Variants in SFMBT1 observed in about 807,000 individuals in gnomAD.
The protein encoded by SFMBT1 is Scm like with four mbt domains 1.
A neutral mutation model predicts 108.7 loss-of-function variants in SFMBT1; 32 were observed. The observed-to-expected ratio is 0.29, with a 90% CI of 0.22 to 0.40. The LOEUF (loss-of-function observed/expected upper bound fraction) is 0.40. Ranked by LOEUF, SFMBT1 falls within the 10% of genes least tolerant of loss-of-function variation. The pLI, the probability that SFMBT1 is intolerant of heterozygous loss-of-function variation, is 1.00. For missense variants in SFMBT1, 816 were observed against 1,059.6 expected, an observed-to-expected ratio of 0.77 and a Z score of 3.19; for synonymous variants, 348 against 369.5, an observed-to-expected ratio of 0.94 and a Z score of 0.67.
At chr3:52,963,645 G>T (rs967136654) in intron 2 of SFMBT1, among the ~76,000 whole-genome samples, 1 of 151,838 alleles carries the variant, frequency 6.6e-6, no homozygotes, top group Non-Finnish European at 1.5e-5. Context: ...TAGAGACAGG[G>T]TCTCCCTATG....
At chr3:52,941,593 C>CCA (rs745586161) in intron 4 of SFMBT1, among the ~76,000 whole-genome samples, 1 of 64,034 alleles carries the variant, frequency 1.6e-5, no homozygotes, top group African/African-American at 5.8e-5. Flanking sequence ...GACTCTGTTT[C>CCA]AAAAAAAAAA....
At chr3:52,959,593 A>C (rs997960109) in intron 2 of SFMBT1, among the ~76,000 whole-genome samples, 1 of 152,190 alleles carries the variant, frequency 6.6e-6, no homozygotes, top group Admixed American at 6.5e-5. Context: ...AGTGTCCTTC[A>C]TGCTCCATTT....
intron 14 of SFMBT1, among the ~76,000 whole-genome samples, chr3:52,914,120 C>T (rs553114521): frequency 3.9e-4 from 60 of 152,222 alleles, no homozygotes; most frequent in African/African-American, 1.4e-3. Flanking sequence ...TCTCAGAGGG[C>T]TAAAAGTATG....
intron 1 of SFMBT1, chr3:53,045,272 A>G (rs1434883831): frequency 1.4e-5 from 2 of 146,974 alleles, no homozygotes; most frequent in Non-Finnish European, 3.0e-5. Flanking sequence ...GGCCCTCCGA[A>G]GTTCCGACCG....
At chr3:52,989,435 A>AAAG (rs1553641117) in intron 1 of SFMBT1, among the ~76,000 whole-genome samples, 4 of 137,796 alleles carry the variant, frequency 2.9e-5, no homozygotes, top group Non-Finnish European at 4.6e-5. Flanking sequence ...AAAAAAAAAA[A>AAAG]AAAGAAAGAA....
rs535459794 is a variant in SFMBT1, at chr3:52,996,006, G to C, written c.-130-26748C>G. Among the ~76,000 whole-genome samples, 344 of 148,560 alleles carry C rather than the reference G, an allele frequency of 2.3e-3. 10 individuals are homozygous for C. Among genetic ancestry groups the C allele is most frequent in the African/African-American group, 7.4e-3 (305 of 41,142 alleles). On this transcript the variant is annotated intron_variant, in intron 1 of 20. Transcript: ENST00000394752. The stretch of plus-strand genomic sequence containing the variant: ...GAATCACTTGAACCCGGGAGGCGGA[G>C]GTTGCAGTGAGCCAAGATCACACCA...
intron 4 of SFMBT1, among the ~76,000 whole-genome samples, chr3:52,938,475 T>A (rs943742261): frequency 6.6e-6 from 1 of 152,152 alleles, no homozygotes; most frequent in Non-Finnish European, 1.5e-5. Flanking sequence ...CTTTTAGTCC[T>A]CTCTATTTTT....
At chr3:52,921,504 C>A (rs1702518520) in intron 11 of SFMBT1, among the ~76,000 whole-genome samples, 1 of 152,168 alleles carries the variant, frequency 6.6e-6, no homozygotes, top group African/African-American at 2.4e-5. Flanking sequence ...AATTTTTATT[C>A]ATATTCATTT....
chr3:52,916,411 C>G (rs1264133021), intron 13 of SFMBT1, among the ~76,000 whole-genome samples, 197 bp from the exon 14 acceptor site: 1 of 144,812 alleles, frequency 6.9e-6, no homozygotes, highest in East Asian at 2.0e-4. Context: ...GTGGCTCACG[C>G]GTAATCCCAG....
rs981540368 is a variant in SFMBT1 at position 53,001,909 on chromosome 3, A to G, written c.-130-32651T>C. On this transcript the variant is annotated intron_variant, in intron 1 of 20. Transcript: ENST00000394752. ...CACCGCATTCCGGCCTGGGCAACAG[A>G]GCAAGACCCAGTCTCTCACACACAC... 1.4e-5 allele frequency among the ~76,000 whole-genome samples: 2 copies of G among 138,544 alleles called. 1 individual carries two copies. The highest frequency in any genetic ancestry group is 3.2e-5 in the Non-Finnish European group (2 of 63,140). The allele number at this position is 138,544 out of a possible 152,430, so 90.9% of individuals were successfully genotyped here. A position where few individuals can be genotyped will look rare whatever the true frequency, so the allele number is the denominator to read the frequency against.
At chr3:53,021,689 T>C (rs899888032) in intron 1 of SFMBT1, among the ~76,000 whole-genome samples, 2 of 152,168 alleles carry the variant, frequency 1.3e-5, no homozygotes, top group Non-Finnish European at 1.5e-5. Flanking sequence ...CCCTTTCACC[T>C]GCTCTGTGTC....
At chr3:53,016,491 T>C (rs961359384) in intron 1 of SFMBT1, among the ~76,000 whole-genome samples, 1 of 152,184 alleles carries the variant, frequency 6.6e-6, no homozygotes, top group Non-Finnish European at 1.5e-5. Flanking sequence ...TGACAGTGGG[T>C]TTTAAAATTC....
At chr3:53,029,723 T>C (rs1005785456) in intron 1 of SFMBT1, among the ~76,000 whole-genome samples, 3 of 152,186 alleles carry the variant, frequency 2.0e-5, no homozygotes, top group African/African-American at 7.2e-5. Context: ...TCTGAAGACA[T>C]CTTCAGATGC....
Position 52,911,177 on chromosome 3 carries a change from A to G in SFMBT1, c.1732T>C (p.Tyr578His). 6.2e-7 allele frequency: 1 copy of G among 1,600,994 alleles called. No individual in the cohort carries two copies. Among genetic ancestry groups the G allele is most frequent in the Non-Finnish European group, 8.5e-7 (1 of 1,174,022 alleles). The change falls in exon 17 of 21, where the codon TAT becomes CAT. Residue 578 changes from tyrosine to histidine, a missense_variant and splice_region_variant. Transcript: ENST00000394752. The part of the protein sequence containing the change: ...HGCGEVLKAK[Y>H]KGKSYRATVE... ...GTAGCCCGATAACTCTTTCCTTTAT[A>G]TCTGCCATTGGAAGACATCAGATGC...
At chr3:52,970,448 T>C (rs1704299278) in intron 1 of SFMBT1, among the ~76,000 whole-genome samples, 1 of 152,230 alleles carries the variant, frequency 6.6e-6, no homozygotes, top group Admixed American at 6.5e-5. Flanking sequence ...GCAGTATGGA[T>C]GAATCTATTT....
chr3:52,907,314 C>T lies in SFMBT1; in HGVS notation c.2086G>A (p.Gly696Arg), dbSNP rs770461099. 1 of 1,610,650 alleles carries T rather than the reference C, an allele frequency of 6.2e-7. No homozygotes were observed. Among genetic ancestry groups the T allele is most frequent in the Non-Finnish European group, 8.5e-7 (1 of 1,178,522 alleles). The change falls in exon 19 of 21, where the codon GGA (glycine) becomes AGA (arginine). Residue 696 changes from glycine to arginine, a missense_variant and splice_region_variant. This residue lies in a region of SFMBT1 where 177 missense variants were observed against 182.0 expected (regional missense o/e 0.97). Coordinates refer to ENST00000394752, the MANE Select transcript of SFMBT1 (RefSeq NM_016329.4). ...TCATCCTCATCTTCACCCCCACTTC[C>T]CTGCAGGAAAAGGAGAGAAGTCTCA... ...VDNTPAGSPQGSGGEDEDDPD... is the reference protein window; with the variant it reads ...VDNTPAGSPQRSGGEDEDDPD...
intron 2 of SFMBT1, among the ~76,000 whole-genome samples, chr3:52,958,121 C>T (rs1232295972): frequency 6.6e-6 from 1 of 151,928 alleles, no homozygotes; most frequent in South Asian, 2.1e-4. Context: ...CAAGAAAAAA[C>T]CCAACAACCC....
chr3:53,013,615 C>CTTTTTTT (rs397989629), intron 1 of SFMBT1, among the ~76,000 whole-genome samples: 10 of 58,100 alleles, frequency 1.7e-4, no homozygotes, highest in Admixed American at 5.2e-4. Context: ...TATAAAGAAT[C>CTTTTTTT]TTTTTTTTTT....
chr3:52,918,347 G>T, intron 13 of SFMBT1, 137 bp downstream of exon 13: 2 of 599,452 alleles, frequency 3.3e-6, no homozygotes, highest in South Asian at 5.0e-5. Flanking sequence ...ATACTGCAAA[G>T]AGAAGTATAC....
Sources: allele counts gnomAD v4.1 joint callset (sites outside exome capture counted in the v4.1 genomes callset), GRCh38; gene constraint gnomAD v4.1.1; regional missense constraint gnomAD v4.1.1; transcripts MANE v1.5; gene names NCBI Gene and HGNC (gene_info 2026-07-23, HGNC 2026-07-21).